FAM13C: variants seen among roughly 807,000 people sequenced by gnomAD.
FAM13C encodes family with sequence similarity 13 member C.
FAM13C carries 37 observed loss-of-function variants against 73.2 expected under a neutral mutation model. The observed-to-expected ratio is 0.51, with a 90% CI of 0.39 to 0.67. The LOEUF is 0.67. Among genes scored for constraint, FAM13C ranks in the 30% least tolerant of loss-of-function variants. The probability of loss-of-function intolerance (pLI) is 0.00; values close to 1 mark genes in which losing one functional copy is unlikely to be tolerated. For synonymous variants in FAM13C, 246 were observed against 260.9 expected (o/e 0.94, Z 0.55); for missense variants, 589 against 715.6 (o/e 0.82, Z 2.02).
intron 3 of FAM13C, among the ~76,000 whole-genome samples, chr10:59,347,518 A>ATT (rs35964507): frequency 2.0e-5 from 3 of 150,166 alleles, no homozygotes; most frequent in African/African-American, 7.4e-5. Flanking sequence ...CCCCACACCT[A>ATT]TTTTTTTTTT....
intron 8 of FAM13C, among the ~76,000 whole-genome samples, chr10:59,264,725 T>C (rs938552044): frequency 6.6e-6 from 1 of 152,122 alleles, no homozygotes; most frequent in Non-Finnish European, 1.5e-5. Flanking sequence ...AACCTGACAA[T>C]ATTCCCGAGA....
At chr10:59,286,920 G>A (rs1453739176) in intron 5 of FAM13C, among the ~76,000 whole-genome samples, 1 of 151,066 alleles carries the variant, frequency 6.6e-6, no homozygotes, top group Non-Finnish European at 1.5e-5. Flanking sequence ...TGTAATCCCA[G>A]CTACTTAGGA....
chr10:59,258,451 C>G (rs1360271292), intron 10 of FAM13C, among the ~76,000 whole-genome samples: 1 of 152,084 alleles, frequency 6.6e-6, no homozygotes, highest in Non-Finnish European at 1.5e-5. Context: ...CCACTGCACT[C>G]TAGCCTGAAT....
Position 59,320,399 on chromosome 10 carries a change from G to A in FAM13C, c.443+3589C>T, listed in dbSNP as rs114833820. Among the ~76,000 whole-genome samples the A allele has an allele frequency of 9.3e-3, 1,413 of 152,288 alleles. 24 individuals are homozygous for A. Among genetic ancestry groups the A allele is most frequent in the African/African-American group, 0.032 (1,349 of 41,556 alleles). On this transcript the variant is annotated intron_variant, in intron 4 of 13. Transcript: ENST00000618804. Reference sequence around the variant, plus strand: ...AAGGGTGGGGCATGGCAAATGGGAGGAAGGGTGCAGTGAAAGAAGATGGAA... The same window carrying A: ...AAGGGTGGGGCATGGCAAATGGGAGAAAGGGTGCAGTGAAAGAAGATGGAA...
intron 3 of FAM13C, among the ~76,000 whole-genome samples, chr10:59,342,243 T>C (rs1853612433): frequency 6.6e-6 from 1 of 152,160 alleles, no homozygotes; most frequent in Admixed American, 6.5e-5. Context: ...GAGCAGCTTT[T>C]TCCAGGATGT....
At chr10:59,329,117 G>T (rs1346522146) in intron 3 of FAM13C, among the ~76,000 whole-genome samples, 2 of 152,042 alleles carry the variant, frequency 1.3e-5, no homozygotes, top group Non-Finnish European at 2.9e-5. Context: ...TTTCAAAAAT[G>T]TGTGTCTATT....
chr10:59,350,034 G>A (rs1281477867), intron 3 of FAM13C, among the ~76,000 whole-genome samples: 1 of 152,126 alleles, frequency 6.6e-6, no homozygotes, highest in Non-Finnish European at 1.5e-5. Flanking sequence ...AGGATAATTT[G>A]TATACATTCA....
chr10:59,354,257 C>A (rs1037920749), intron 2 of FAM13C, among the ~76,000 whole-genome samples: 1 of 152,150 alleles, frequency 6.6e-6, no homozygotes, highest in African/African-American at 2.4e-5. Flanking sequence ...ACTTCCTTGA[C>A]TTGGAAAGCC....
chr10:59,286,201 A>G (rs1039410233), intron 5 of FAM13C, among the ~76,000 whole-genome samples: 1 of 152,330 alleles, frequency 6.6e-6, no homozygotes, highest in Middle Eastern at 3.4e-3. Context: ...TCCCACTTGC[A>G]TAAGATATTT....
At chr10:59,307,071 T>A (rs932224972) in intron 4 of FAM13C, among the ~76,000 whole-genome samples, 2 of 152,134 alleles carry the variant, frequency 1.3e-5, no homozygotes, top group South Asian at 2.1e-4. Flanking sequence ...TCTTTTTTTT[T>A]AATGAAGCCA....
intron 4 of FAM13C, among the ~76,000 whole-genome samples, chr10:59,309,739 GTTTC>G (rs1331870730): frequency 6.6e-6 from 1 of 152,138 alleles, no homozygotes; most frequent in East Asian, 1.9e-4. Context: ...TTATTTGATT[GTTTC>G]TTTCTCACGA....
chr10:59,309,588 C>T (rs1216059752), intron 4 of FAM13C, among the ~76,000 whole-genome samples: 1 of 152,214 alleles, frequency 6.6e-6, no homozygotes, highest in Admixed American at 6.5e-5. Flanking sequence ...TCCACTTTCT[C>T]TCCTAAGTAA....
chr10:59,343,209 C>T (rs1430180283), intron 3 of FAM13C, among the ~76,000 whole-genome samples: 1 of 152,186 alleles, frequency 6.6e-6, no homozygotes, highest in Non-Finnish European at 1.5e-5. Flanking sequence ...GCTAGACCTA[C>T]TTCTTTGTTC....
At chr10:59,287,172 A>G (rs972284938) in intron 5 of FAM13C, among the ~76,000 whole-genome samples, 1 of 151,408 alleles carries the variant, frequency 6.6e-6, no homozygotes, top group South Asian at 2.1e-4. Flanking sequence ...TCCTGTCTCT[A>G]CTGAAAATAC....
At chr10:59,323,451 C>A (rs12769711) in intron 4 of FAM13C, 46 of 163,450 alleles carry the variant, frequency 2.8e-4, no homozygotes, top group Admixed American at 1.2e-3. Flanking sequence ...AGCACAGAAT[C>A]TGCACCTGCC....
chr10:59,271,469 A>G (rs1377021586), intron 6 of FAM13C, among the ~76,000 whole-genome samples: 6 of 152,242 alleles, frequency 3.9e-5, no homozygotes, highest in Admixed American at 3.3e-4. Context: ...GCTCACTGAC[A>G]GCACTGTCGG....
At chr10:59,276,783 G>T (rs1443216553) in intron 6 of FAM13C, among the ~76,000 whole-genome samples, 1 of 152,134 alleles carries the variant, frequency 6.6e-6, no homozygotes, top group Non-Finnish European at 1.5e-5. Flanking sequence ...TTTTCAAGAA[G>T]TCTATGCAAG....
chr10:59,332,034 G>A (rs1852063169), intron 3 of FAM13C, among the ~76,000 whole-genome samples: 1 of 152,114 alleles, frequency 6.6e-6, no homozygotes, highest in African/African-American at 2.4e-5. Context: ...GAATGATCAG[G>A]AGGGTGACCA....
chr10:59,266,120 T>A (rs1358614888), intron 8 of FAM13C, among the ~76,000 whole-genome samples: 1 of 152,200 alleles, frequency 6.6e-6, no homozygotes, highest in Admixed American at 6.6e-5. Context: ...TGTGTGATTC[T>A]GGGAAACTCA....
Sources: allele counts gnomAD v4.1 joint callset (sites outside exome capture counted in the v4.1 genomes callset), GRCh38; gene constraint gnomAD v4.1.1; transcripts MANE v1.5; gene names NCBI Gene and HGNC (gene_info 2026-07-23, HGNC 2026-07-21).